Variants in KATNA1 observed in about 807,000 individuals in gnomAD.
KATNA1 encodes katanin p60 ATPase-containing subunit A1.
A neutral mutation model predicts 62.6 loss-of-function variants in KATNA1; 42 were observed. That is an observed-to-expected ratio of 0.67 (90% CI 0.52 to 0.87). The LOEUF (loss-of-function observed/expected upper bound fraction) is 0.87. KATNA1 is among the 40% of genes least tolerant of loss of function. The pLI, the probability that KATNA1 is intolerant of heterozygous loss-of-function variation, is 0.00. For missense variants in KATNA1, 498 were observed against 612.5 expected (o/e 0.81, Z 1.97); for synonymous variants, 186 against 201.9 (o/e 0.92, Z 0.67).
intron 4 of KATNA1, among the ~76,000 whole-genome samples, chr6:149,621,955 A>G (rs959296950): frequency 2.0e-5 from 3 of 152,204 alleles, no homozygotes; most frequent in African/African-American, 7.2e-5. Context: ...AAGAAACATG[A>G]TAACTAAATT....
intron 3 of KATNA1, among the ~76,000 whole-genome samples, chr6:149,632,516 T>C (rs1041051708): frequency 6.6e-6 from 1 of 152,206 alleles, no homozygotes; most frequent in African/African-American, 2.4e-5. Flanking sequence ...AAGATAACAC[T>C]GTCTCTACCA....
intron 4 of KATNA1, among the ~76,000 whole-genome samples, chr6:149,621,022 G>T (rs1202886639): frequency 6.6e-6 from 1 of 151,970 alleles, no homozygotes. Flanking sequence ...TTATTACAAG[G>T]GTCAAATGGT....
At chr6:149,597,765 T>G in intron 8 of KATNA1, 124 bp from the exon 9 acceptor site, 3 of 833,612 alleles carry the variant, frequency 3.6e-6, no homozygotes, top group Non-Finnish European at 5.6e-6. Flanking sequence ...TCTTAATGCC[T>G]CCTTAAGACT....
intron 1 of KATNA1, among the ~76,000 whole-genome samples, chr6:149,640,072 T>C (rs907043691): frequency 3.3e-5 from 5 of 152,228 alleles, no homozygotes; most frequent in African/African-American, 1.2e-4. Flanking sequence ...CTAAGCCTGT[T>C]TTAATATCTG....
intron 4 of KATNA1, among the ~76,000 whole-genome samples, chr6:149,610,297 CAAA>C (rs538165106): frequency 2.6e-5 from 3 of 114,706 alleles, no homozygotes. Context: ...GATCCTATCT[CAAA>C]AAAAAAAAAA....
chr6:149,606,941 GAGA>G (rs1406321865), intron 4 of KATNA1, among the ~76,000 whole-genome samples: 1 of 152,110 alleles, frequency 6.6e-6, no homozygotes, highest in Non-Finnish European at 1.5e-5. Flanking sequence ...ACATTTAAAA[GAGA>G]AGAAGATAAT....
intron 3 of KATNA1, among the ~76,000 whole-genome samples, chr6:149,624,827 T>C (rs1779543186): frequency 6.6e-6 from 1 of 150,506 alleles, no homozygotes; most frequent in South Asian, 2.1e-4. Flanking sequence ...AACCACAGTA[T>C]AGTTAAACAG....
intron 4 of KATNA1, among the ~76,000 whole-genome samples, chr6:149,610,363 G>A (rs1479903915): frequency 6.7e-6 from 1 of 149,882 alleles, no homozygotes; most frequent in African/African-American, 2.4e-5. Flanking sequence ...GGATCCGACA[G>A]ACATTTATAG....
intron 1 of KATNA1, among the ~76,000 whole-genome samples, chr6:149,644,900 C>T (rs1024644816): frequency 2.0e-5 from 3 of 152,162 alleles, no homozygotes; most frequent in Admixed American, 2.0e-4. Flanking sequence ...ATCAAAGAAA[C>T]AATGTGCTTG....
chr6:149,598,046 C>T, intron 8 of KATNA1, 178 bp downstream of exon 8: 1 of 621,160 alleles, frequency 1.6e-6, no homozygotes. Context: ...TGTCAGTGTA[C>T]CAAATCTATT....
In KATNA1 at chr6:149,638,388, G is replaced by C. The variant is rs1420341556; in HGVS notation, c.160C>G (p.Gln54Glu). ...CATACAGCAGCCATTACTCTCACCT[G>C]TTGCCATTTCTGCTGGAGGTATGTA... is the stretch of plus-strand genomic sequence containing the variant. ...KDTYLQQKWQQVWQEINVEAK... is the reference protein window; with the variant it reads ...KDTYLQQKWQEVWQEINVEAK... Residue 54 changes from glutamine (Q) to glutamate (E), a missense_variant and splice_region_variant, in exon 2 of 11, where the codon CAG (glutamine) becomes GAG (glutamate). This residue lies in a region of KATNA1 where 203 missense variants were observed against 198.4 expected (regional missense o/e 1.02). Transcript: ENST00000367411. The C allele has an allele frequency of 6.2e-7, 1 of 1,611,622 alleles. No homozygotes were observed. The highest frequency in any genetic ancestry group is 1.1e-5 in the South Asian group (1 of 90,678).
At chr6:149,616,126 A>T (rs1159103101) in intron 4 of KATNA1, among the ~76,000 whole-genome samples, 1 of 152,170 alleles carries the variant, frequency 6.6e-6, no homozygotes, top group Non-Finnish European at 1.5e-5. Flanking sequence ...AGATGAAGAG[A>T]TCTGAAAATG....
chr6:149,602,477 CAG>C (rs1383874940), intron 6 of KATNA1, among the ~76,000 whole-genome samples: 10 of 152,220 alleles, frequency 6.6e-5, no homozygotes, highest in East Asian at 1.9e-4. Flanking sequence ...TTCATACATG[CAG>C]AGTTACCTAT....
At chr6:149,606,604 G>T (rs142416878) in intron 4 of KATNA1, among the ~76,000 whole-genome samples, 11 of 151,894 alleles carry the variant, frequency 7.2e-5, no homozygotes, top group Non-Finnish European at 1.6e-4. Flanking sequence ...ATTCAAGGAA[G>T]GAACTGTGTA....
At chr6:149,605,202 C>T (rs1466292933) in intron 4 of KATNA1, among the ~76,000 whole-genome samples, 1 of 149,190 alleles carries the variant, frequency 6.7e-6, no homozygotes, top group Non-Finnish European at 1.5e-5. Context: ...AATAATAATA[C>T]AATAACAAGG....
chr6:149,614,014 C>T (rs1019919393), intron 4 of KATNA1, among the ~76,000 whole-genome samples: 18 of 152,156 alleles, frequency 1.2e-4, no homozygotes, highest in Admixed American at 1.3e-4. Context: ...CATGCCAGCA[C>T]CCTGATCTTG....
At chr6:149,623,348 GTAAGT>G in intron 3 of KATNA1, 65 bp from the exon 4 acceptor site, 2 of 1,203,356 alleles carry the variant, frequency 1.7e-6, no homozygotes, top group Non-Finnish European at 2.3e-6. Flanking sequence ...CACATACTGT[GTAAGT>G]TAAGAGTCTA....
At chr6:149,632,004 T>A (rs957527222) in intron 3 of KATNA1, among the ~76,000 whole-genome samples, 11 of 152,146 alleles carry the variant, frequency 7.2e-5, no homozygotes, top group African/African-American at 2.7e-4. Context: ...TTTAGAAAAA[T>A]TTTCCATTTT....
At chr6:149,622,354 AAGAATGTCTT>A (rs1779433378) in intron 4 of KATNA1, among the ~76,000 whole-genome samples, 1 of 151,998 alleles carries the variant, frequency 6.6e-6, no homozygotes, top group Non-Finnish European at 1.5e-5. Context: ...TTTTACGTAA[AAGAATGTCTT>A]AGTACTCAGG....
Sources: allele counts gnomAD v4.1 joint callset (sites outside exome capture counted in the v4.1 genomes callset), GRCh38; gene constraint gnomAD v4.1.1; regional missense constraint gnomAD v4.1.1; transcripts MANE v1.5; gene names NCBI Gene and HGNC (gene_info 2026-07-23, HGNC 2026-07-21).